The following LRRTM4 variants were observed in gnomAD, a reference collection of about 807,000 sequenced individuals.
The protein encoded by LRRTM4 is leucine rich repeat transmembrane neuronal 4.
LRRTM4 carries 25 observed loss-of-function variants against 47.6 expected under a neutral mutation model. The observed-to-expected ratio is 0.53, with a 90% confidence interval of 0.38 to 0.73. The LOEUF (loss-of-function observed/expected upper bound fraction) is 0.73, where lower values mean the gene tolerates loss of function less well. Ranked by LOEUF, LRRTM4 falls within the 30% of genes least tolerant of loss-of-function variation. The probability of loss-of-function intolerance (pLI) is 0.00; values close to 1 mark genes in which losing one functional copy is unlikely to be tolerated. For synonymous variants in LRRTM4, 311 were observed against 269.5 expected (o/e 1.15, Z -1.51); for missense variants, 638 against 713.4 (o/e 0.89, Z 1.20).
chr2:77,027,443 G>A (rs1678493506), intron 3 of LRRTM4, among the ~76,000 whole-genome samples: 1 of 152,118 alleles, frequency 6.6e-6, no homozygotes, highest in Admixed American at 6.5e-5. Context: ...AAAGGTTTTA[G>A]AAGCATTAAA....
intron 3 of LRRTM4, among the ~76,000 whole-genome samples, chr2:76,897,488 A>G (rs1327093353): frequency 1.3e-5 from 2 of 152,146 alleles, no homozygotes; most frequent in Non-Finnish European, 2.9e-5. Context: ...ATAAGTGTAT[A>G]ATGTTATGAC....
chr2:77,269,636 G>GC (rs1676140635), intron 3 of LRRTM4, among the ~76,000 whole-genome samples: 8 of 152,178 alleles, frequency 5.3e-5, no homozygotes, highest in African/African-American at 1.7e-4. Context: ...AGAAAAAAAG[G>GC]TTTTAGTTAT....
intron 3 of LRRTM4, among the ~76,000 whole-genome samples, chr2:77,206,649 A>G (rs1674135519): frequency 6.6e-6 from 1 of 151,860 alleles, no homozygotes; most frequent in African/African-American, 2.4e-5. Flanking sequence ...ATGCCCAGCT[A>G]ATTTTTGCAT....
At chr2:76,755,120 C>G (rs1285951614) in intron 3 of LRRTM4, among the ~76,000 whole-genome samples, 2 of 152,132 alleles carry the variant, frequency 1.3e-5, no homozygotes, top group Non-Finnish European at 2.9e-5. Context: ...CCTGGTACCA[C>G]TTTCATTAAT....
intron 3 of LRRTM4, among the ~76,000 whole-genome samples, chr2:77,126,378 T>G (rs1671653361): frequency 6.6e-6 from 1 of 152,164 alleles, no homozygotes; most frequent in African/African-American, 2.4e-5. Context: ...TTATGGGGTA[T>G]AAAGCAAGGA....
intron 3 of LRRTM4, among the ~76,000 whole-genome samples, chr2:77,371,895 T>C (rs2103771131): frequency 6.6e-6 from 1 of 151,838 alleles, no homozygotes; most frequent in East Asian, 1.9e-4. Flanking sequence ...AACAAGCTAG[T>C]GTGCTAGAGT....
At chr2:76,815,817 A>C (rs1670880697) in intron 3 of LRRTM4, among the ~76,000 whole-genome samples, 1 of 152,124 alleles carries the variant, frequency 6.6e-6, no homozygotes, top group African/African-American at 2.4e-5. Flanking sequence ...AACATAAAGG[A>C]ATACAAATAT....
chr2:77,479,426 A>C (rs1169206356), intron 3 of LRRTM4, among the ~76,000 whole-genome samples: 3 of 152,214 alleles, frequency 2.0e-5, no homozygotes, highest in Non-Finnish European at 4.4e-5. Flanking sequence ...TCAAACAGTC[A>C]GTCCACTTTG....
At chr2:77,298,041 AAGAG>A (rs1677021261) in intron 3 of LRRTM4, among the ~76,000 whole-genome samples, 1 of 152,172 alleles carries the variant, frequency 6.6e-6, no homozygotes, top group Non-Finnish European at 1.5e-5. Flanking sequence ...AAGAAACTAA[AAGAG>A]AGAGAGAGTA....
intron 3 of LRRTM4, among the ~76,000 whole-genome samples, chr2:76,823,108 C>T (rs1012351828): frequency 6.6e-6 from 1 of 151,254 alleles, no homozygotes; most frequent in Admixed American, 6.6e-5. Context: ...TTAATTTCAT[C>T]ATTTTACATT....
chr2:76,877,624 A>G (rs2104088055), intron 3 of LRRTM4, among the ~76,000 whole-genome samples: 1 of 152,320 alleles, frequency 6.6e-6, no homozygotes, highest in South Asian at 2.1e-4. Context: ...AATATATAAC[A>G]AGAAAATTGA....
At chr2:77,368,867 AATTGCTAG>A (rs566433698) in intron 3 of LRRTM4, among the ~76,000 whole-genome samples, 16 of 151,756 alleles carry the variant, frequency 1.1e-4, no homozygotes, top group Non-Finnish European at 1.2e-4. Context: ...GCAGGGGAAG[AATTGCTAG>A]ATCGCATGGT....
At chr2:77,150,983 T>A (rs1315438749) in intron 3 of LRRTM4, among the ~76,000 whole-genome samples, 1 of 152,154 alleles carries the variant, frequency 6.6e-6, no homozygotes, top group Non-Finnish European at 1.5e-5. Flanking sequence ...GTTTTTTAAG[T>A]TTTACTGAGA....
intron 3 of LRRTM4, among the ~76,000 whole-genome samples, chr2:77,290,003 G>A (rs1375065639): frequency 6.7e-6 from 1 of 148,258 alleles, no homozygotes; most frequent in East Asian, 2.0e-4. Context: ...TCTTCTTTAA[G>A]TTTGTTTGCT....
chr2:77,343,033 C>G (rs1327632861), intron 3 of LRRTM4, among the ~76,000 whole-genome samples: 1 of 151,916 alleles, frequency 6.6e-6, no homozygotes, highest in Admixed American at 6.6e-5. Context: ...TGCAGTAAGA[C>G]AGTTTGAAGT....
Position 77,028,103 on chromosome 2 carries a change from A to G in LRRTM4, c.1552-279187T>C, listed in dbSNP as rs188230981. Among the ~76,000 whole-genome samples, 628 of 152,284 alleles carry G rather than the reference A, an allele frequency of 4.1e-3. 7 individuals carry two copies. Among genetic ancestry groups the G allele is most frequent in the African/African-American group, 0.014 (594 of 41,564 alleles). ...ATTAAAAACATATAAGTAATTATTT[A>G]TTGCAGTATCTCTGTTAGGCTCTAT... is the stretch of plus-strand genomic sequence containing the variant. On this transcript the variant is annotated intron_variant, in intron 3 of 3. Transcript: ENST00000409884.
intron 3 of LRRTM4, among the ~76,000 whole-genome samples, chr2:76,835,758 T>C (rs765713250): frequency 1.3e-5 from 2 of 152,060 alleles, no homozygotes; most frequent in Non-Finnish European, 2.9e-5. Context: ...TAAGGAAGGT[T>C]ACCTCAGTGG....
intron 3 of LRRTM4, among the ~76,000 whole-genome samples, chr2:76,858,384 C>G (rs59597957): frequency 0.025 from 3,852 of 152,278 alleles, 165 homozygotes; most frequent in African/African-American, 0.08. Context: ...AACATTAGCT[C>G]TTCTTGGCTG....
intron 3 of LRRTM4, among the ~76,000 whole-genome samples, chr2:77,468,004 A>G (rs1169855145): frequency 6.6e-6 from 1 of 152,184 alleles, no homozygotes; most frequent in Non-Finnish European, 1.5e-5. Flanking sequence ...AAGTCATGCC[A>G]CATGGATTTC....
Sources: gnomAD v4.1 joint callset for allele counts (sites outside exome capture counted in the v4.1 genomes callset) on GRCh38, gnomAD v4.1.1 for gene constraint, MANE v1.5 for transcripts, NCBI Gene and HGNC (gene_info 2026-07-23, HGNC 2026-07-21) for gene names.